Variants in HNMT observed in about 807,000 individuals in gnomAD.
The protein encoded by HNMT is histamine N-methyltransferase.
A neutral mutation model predicts 32.1 loss-of-function variants in HNMT; 30 were observed. The observed-to-expected ratio is 0.93, with a 90% CI of 0.70 to 1.27. The LOEUF (loss-of-function observed/expected upper bound fraction) is 1.27, where lower values mean the gene tolerates loss of function less well. Among genes scored for constraint, HNMT ranks in the 50% most tolerant of loss-of-function variants. HNMT has a pLI of 0.00. For missense variants in HNMT, 327 were observed against 346.0 expected, an observed-to-expected ratio of 0.95 and a Z score of 0.43; for synonymous variants, 125 against 119.0, an observed-to-expected ratio of 1.05 and a Z score of -0.33.
intron 2 of HNMT, among the ~76,000 whole-genome samples, chr2:137,997,682 C>CA (rs765404255): frequency 3.3e-5 from 5 of 152,122 alleles, no homozygotes; most frequent in Non-Finnish European, 4.4e-5. Flanking sequence ...GGTATATACC[C>CA]AAAGGAATAT....
intron 2 of HNMT, among the ~76,000 whole-genome samples, chr2:137,980,135 A>T (rs1035879287): frequency 3.3e-5 from 5 of 151,436 alleles, no homozygotes; most frequent in Non-Finnish European, 7.4e-5. Context: ...ACCCAGGTTC[A>T]TGCCATTCTC....
In HNMT at chr2:138,002,242, AAT is replaced by A. The variant is rs112153903; in HGVS notation, c.429+58_429+59del. On this transcript the variant is annotated intron_variant, in intron 4 of 5. Coordinates refer to ENST00000280097, the MANE Select transcript of HNMT (RefSeq NM_006895.3). ...TATACTCAGAAAGAAGACTTTTCAG[AAT>A]ATATATATAATGAATATCTACTATT... The A allele has an allele frequency of 2.0e-3, 2,474 of 1,266,984 alleles. 46 individuals are homozygous for A. The African/African-American group carries it at 0.034, about 17-fold the overall frequency. 78.5% of individuals were successfully genotyped at this position (1,266,984 alleles called of 1,614,324 possible). A position where few individuals can be genotyped will look rare whatever the true frequency, so the allele number is the denominator to read the frequency against.
intron 2 of HNMT, among the ~76,000 whole-genome samples, chr2:137,983,180 GT>G (rs2104946436): frequency 6.6e-6 from 1 of 152,236 alleles, no homozygotes; most frequent in East Asian, 1.9e-4. Flanking sequence ...CAGGAAGACA[GT>G]TAACAGTAGA....
intron 2 of HNMT, among the ~76,000 whole-genome samples, chr2:137,989,967 G>C (rs1680769609): frequency 6.6e-6 from 1 of 152,078 alleles, no homozygotes; most frequent in South Asian, 2.1e-4. Context: ...AGCTTTAAGA[G>C]TTCTTTGTAT....
chr2:138,014,057 CT>C lies in HNMT; in HGVS notation c.807del (p.Glu270AsnfsTer16). The C allele has an allele frequency of 6.2e-7, 1 of 1,613,288 alleles. No homozygotes were observed. The highest frequency in any genetic ancestry group is 8.5e-7 in the Non-Finnish European group (1 of 1,179,502). ...GAGCTTGGGAAAGATCTACAAGAGC[CT>C]GAATTTAGTGCTAAGAAAGAGGGGA... Reference protein sequence around the residue: ...RAELGKDLQEPEFSAKKEGKV... With the variant: ...RAELGKDLQEXEFSAKKEGKV... On this transcript the variant is annotated frameshift_variant, in exon 6 of 6. Coordinates refer to ENST00000280097, the MANE Select transcript of HNMT (RefSeq NM_006895.3). LOFTEE classifies it high-confidence loss of function.
At position 138,013,872 on chromosome 2, in the gene HNMT, G is replaced by T. The variant is rs1681584377; in HGVS notation, c.621G>T (p.Met207Ile). The T allele has an allele frequency of 6.2e-7, 1 of 1,613,826 alleles. No individual in the cohort carries two copies. The highest frequency in any genetic ancestry group is 2.2e-5 in the East Asian group (1 of 44,862). Residue 207 changes from methionine to isoleucine, a missense_variant, in exon 6 of 6, where the codon ATG (methionine) becomes ATT (isoleucine). Met to Ile is a conservative substitution (Grantham distance 10, BLOSUM62 1). Transcript: ENST00000280097. ...TCACATCAGATGACCTCACTCAGAT[G>T]CTGGACAACCTAGGGCTTAAGTATG... The part of the protein sequence containing the change: ...QYITSDDLTQ[M>I]LDNLGLKYEC...
At chr2:137,964,662 G>A (rs974915578) in intron 1 of HNMT, 34 bp downstream of exon 1, 1 of 1,610,484 alleles carries the variant, frequency 6.2e-7, no homozygotes, top group Non-Finnish European at 8.5e-7. Flanking sequence ...AAAGGGACAA[G>A]CCTCAGACTG....
chr2:137,979,314 A>G (rs942378540), intron 2 of HNMT, among the ~76,000 whole-genome samples: 2 of 151,608 alleles, frequency 1.3e-5, no homozygotes, highest in African/African-American at 4.8e-5. Flanking sequence ...TCTGTCGCCC[A>G]GGCTGGAGTG....
chr2:137,967,553 C>A (rs1476622729), intron 1 of HNMT: 1 of 155,320 alleles, frequency 6.4e-6, no homozygotes, highest in Non-Finnish European at 1.4e-5. Flanking sequence ...AAATACTGAG[C>A]TGTGAAATGG....
intron 2 of HNMT, among the ~76,000 whole-genome samples, chr2:137,993,439 G>A (rs932325913): frequency 6.6e-6 from 1 of 151,750 alleles, no homozygotes; most frequent in Non-Finnish European, 1.5e-5. Context: ...TCAACCAAGT[G>A]GAAGAAAGAA....
intron 2 of HNMT, among the ~76,000 whole-genome samples, chr2:137,976,147 TC>T (rs1301883783): frequency 4.0e-5 from 6 of 151,756 alleles, no homozygotes; most frequent in Non-Finnish European, 8.8e-5. Context: ...ACACCTGCAA[TC>T]CCAGCTACTC....
chr2:137,977,991 G>A (rs1680338706), intron 2 of HNMT, among the ~76,000 whole-genome samples: 1 of 152,064 alleles, frequency 6.6e-6, no homozygotes, highest in African/African-American at 2.4e-5. Context: ...TGCTAGGACT[G>A]TGCTACAGTT....
At chr2:137,973,883 G>A (rs538218722) in intron 2 of HNMT, among the ~76,000 whole-genome samples, 6 of 152,154 alleles carry the variant, frequency 3.9e-5, no homozygotes, top group African/African-American at 1.4e-4. Context: ...TGTTTGTGTG[G>A]AAAGAGTTTT....
At chr2:137,998,237 GTAGGTAAAATAATTAAAATTATTA>G (rs1681054451) in intron 2 of HNMT, among the ~76,000 whole-genome samples, 1 of 152,150 alleles carries the variant, frequency 6.6e-6, no homozygotes, top group Non-Finnish European at 1.5e-5. Flanking sequence ...GTTGGAAAGA[GTAGGTAAAATAATTAAAATTATTA>G]TAATTTTTGA....
chr2:137,985,274 A>C (rs1258800852), intron 2 of HNMT, among the ~76,000 whole-genome samples: 1 of 152,196 alleles, frequency 6.6e-6, no homozygotes, highest in Non-Finnish European at 1.5e-5. Flanking sequence ...TGGGATCTCA[A>C]ATAGCAGAAA....
At chr2:137,994,910 A>G (rs1338691935) in intron 2 of HNMT, among the ~76,000 whole-genome samples, 3 of 152,228 alleles carry the variant, frequency 2.0e-5, no homozygotes, top group African/African-American at 7.2e-5. Context: ...CTGCTCCTGA[A>G]TGACTCCTGG....
chr2:137,995,232 C>T (rs906434696), intron 2 of HNMT, among the ~76,000 whole-genome samples: 1 of 151,764 alleles, frequency 6.6e-6, no homozygotes, highest in African/African-American at 2.4e-5. Flanking sequence ...AGTCCAGGAG[C>T]TGGTTTTTTG....
At chr2:137,999,872 C>T (rs941296197) in intron 2 of HNMT, among the ~76,000 whole-genome samples, 2 of 151,854 alleles carry the variant, frequency 1.3e-5, no homozygotes, top group African/African-American at 2.4e-5. Flanking sequence ...TCATTTAACC[C>T]TCACAACTAA....
At chr2:137,964,743 G>T (rs1015224763) in intron 1 of HNMT, 115 bp downstream of exon 1, 12 of 994,836 alleles carry the variant, frequency 1.2e-5, no homozygotes, top group East Asian at 2.4e-5. Flanking sequence ...GCGAATTACT[G>T]ATAGCAGCTC....
Sources: allele counts gnomAD v4.1 joint callset (sites outside exome capture counted in the v4.1 genomes callset), GRCh38; gene constraint gnomAD v4.1.1; transcripts MANE v1.5; gene names NCBI Gene and HGNC (gene_info 2026-07-23, HGNC 2026-07-21).